Variants in DNAH7 observed in about 807,000 individuals in gnomAD.
DNAH7 encodes the protein dynein axonemal heavy chain 7.
DNAH7 carries 397 observed loss-of-function variants against 444.6 expected under a neutral mutation model. That is an observed-to-expected ratio of 0.89 (90% CI 0.82 to 0.97). DNAH7 has a LOEUF of 0.97. DNAH7 is among the 50% of genes least tolerant of loss of function. DNAH7 has a pLI of 0.00. For missense variants in DNAH7, 4,902 were observed against 4,800.8 expected (o/e 1.02, Z -0.62); for synonymous variants, 1,636 against 1,624.4 (o/e 1.01, Z -0.17).
At chr2:195,865,537 C>T (rs1177437038) in intron 40 of DNAH7, among the ~76,000 whole-genome samples, 1 of 152,064 alleles carries the variant, frequency 6.6e-6, no homozygotes, top group African/African-American at 2.4e-5. Flanking sequence ...GTTTGGGATA[C>T]CTGTTAATTA....
At chr2:196,052,171 C>G (rs1431605280) in intron 2 of DNAH7, among the ~76,000 whole-genome samples, 2 of 152,236 alleles carry the variant, frequency 1.3e-5, no homozygotes, top group African/African-American at 4.8e-5. Context: ...CAGCAAATGT[C>G]TTTGTCATCC....
rs76698138 is a variant in DNAH7 at position 195,821,471 on chromosome 2, C to T, written c.9291+2784G>A. On this transcript the variant is annotated intron_variant, in intron 49 of 64. Transcript: ENST00000312428. ...ACATATCTAACTTCTTAGAAAGAAA[C>T]ATCTAATAGGGACTTAACAAACATA... is the stretch of plus-strand genomic sequence containing the variant. 5.4e-4 allele frequency among the ~76,000 whole-genome samples: 82 copies of T among 152,256 alleles called. 2 individuals are homozygous for T. The East Asian group carries it at 0.012, about 22-fold the overall frequency.
At chr2:196,010,970 G>T (rs1158777153) in intron 10 of DNAH7, among the ~76,000 whole-genome samples, 2 of 152,154 alleles carry the variant, frequency 1.3e-5, no homozygotes, top group East Asian at 1.9e-4. Context: ...CATGGAGGTT[G>T]TAAGTAGAAT....
At chr2:195,834,863 CA>C (rs1698259433) in intron 47 of DNAH7, among the ~76,000 whole-genome samples, 1 of 152,082 alleles carries the variant, frequency 6.6e-6, no homozygotes, top group African/African-American at 2.4e-5. Context: ...AACGGCCTAA[CA>C]AAAAGGTAAA....
At chr2:195,915,171 C>G (rs1687597068) in intron 24 of DNAH7, among the ~76,000 whole-genome samples, 1 of 152,184 alleles carries the variant, frequency 6.6e-6, no homozygotes, top group East Asian at 1.9e-4. Context: ...ATTTTCAATC[C>G]ATTATGATGA....
chr2:195,745,507 C>G (rs1263229202), intron 63 of DNAH7, among the ~76,000 whole-genome samples: 1 of 152,108 alleles, frequency 6.6e-6, no homozygotes, highest in Non-Finnish European at 1.5e-5. Context: ...ACAGAGAACG[C>G]CACAAAGATA....
chr2:195,817,234 C>T (rs1374365951), intron 50 of DNAH7, among the ~76,000 whole-genome samples: 1 of 152,168 alleles, frequency 6.6e-6, no homozygotes, highest in African/African-American at 2.4e-5. Context: ...CATCAAGGAT[C>T]TCAGCTCAGA....
At chr2:196,005,990 T>G (rs1694350548) in intron 10 of DNAH7, among the ~76,000 whole-genome samples, 1 of 151,652 alleles carries the variant, frequency 6.6e-6, no homozygotes, top group African/African-American at 2.4e-5. Context: ...CTCAACAAAA[T>G]ACTAGAAATC....
chr2:195,955,875 G>C (rs1690612474), intron 19 of DNAH7, among the ~76,000 whole-genome samples: 2 of 151,966 alleles, frequency 1.3e-5, no homozygotes, highest in South Asian at 4.2e-4. Context: ...ACTGTTGTAA[G>C]GAAACTATAT....
At chr2:195,747,631 T>C (rs1197519977) in intron 63 of DNAH7, among the ~76,000 whole-genome samples, 3 of 152,188 alleles carry the variant, frequency 2.0e-5, no homozygotes, top group Admixed American at 6.5e-5. Flanking sequence ...AAAAAGCTTA[T>C]CCACCATGAT....
intron 61 of DNAH7, among the ~76,000 whole-genome samples, chr2:195,768,284 A>G (rs980705145): frequency 8.9e-4 from 134 of 150,266 alleles, no homozygotes; most frequent in Non-Finnish European, 1.1e-3. Flanking sequence ...TTAGGAAAAT[A>G]TAATTTTACA....
At chr2:195,759,900 A>G (rs1006692036) in intron 61 of DNAH7, among the ~76,000 whole-genome samples, 2 of 151,876 alleles carry the variant, frequency 1.3e-5, no homozygotes, top group Non-Finnish European at 2.9e-5. Context: ...TGCTCTCCCA[A>G]CTCCTGGCCT....
At chr2:195,965,798 A>G (rs901744477) in intron 17 of DNAH7, among the ~76,000 whole-genome samples, 2 of 151,946 alleles carry the variant, frequency 1.3e-5, no homozygotes, top group African/African-American at 4.8e-5. Flanking sequence ...GTTTCTACAG[A>G]ATTAGTTGTA....
At chr2:195,924,487 G>A (rs1026184689) in intron 22 of DNAH7, among the ~76,000 whole-genome samples, 2 of 152,060 alleles carry the variant, frequency 1.3e-5, no homozygotes, top group African/African-American at 4.8e-5. Context: ...CCAGCTACTC[G>A]GGAGGCTGAG....
At position 196,001,828 on chromosome 2, in the gene DNAH7, G is replaced by T; in HGVS notation, c.1020C>A (p.Tyr340Ter). The part of the protein sequence containing the change: ...MWFPEVQNIY[Y>*]QGNKKKQLPT... ...GCAATTGCTTTTTTTTATTACCTTGGTAATAAATATTCTGCACTTCTGGAA... is the reference window on the plus strand; with the variant it reads ...GCAATTGCTTTTTTTTATTACCTTGTTAATAAATATTCTGCACTTCTGGAA... The change falls in exon 11 of 65, where the codon TAC (tyrosine) becomes TAA (stop). Residue 340 changes from tyrosine to a stop codon, truncating the protein, a stop_gained. Coordinates refer to ENST00000312428, the MANE Select transcript of DNAH7 (RefSeq NM_018897.3). LOFTEE classifies it high-confidence loss of function. 3 of 1,609,502 alleles carry T rather than the reference G, an allele frequency of 1.9e-6. No individual in the cohort carries two copies. The highest frequency in any genetic ancestry group is 2.5e-6 in the Non-Finnish European group (3 of 1,178,596).
At chr2:195,811,660 A>G (rs144155994) in intron 51 of DNAH7, among the ~76,000 whole-genome samples, 94 of 152,292 alleles carry the variant, frequency 6.2e-4, no homozygotes, top group African/African-American at 2.2e-3. Context: ...CAAAAGTCTT[A>G]TAATACAAAA....
intron 17 of DNAH7, among the ~76,000 whole-genome samples, chr2:195,967,207 T>G (rs556413595): frequency 6.6e-6 from 1 of 152,324 alleles, no homozygotes; most frequent in African/African-American, 2.4e-5. Context: ...CAATACTGAT[T>G]GCATAAATAA....
intron 47 of DNAH7, among the ~76,000 whole-genome samples, chr2:195,838,421 C>A (rs1037098869): frequency 1.3e-5 from 2 of 150,938 alleles, no homozygotes; most frequent in African/African-American, 2.4e-5. Flanking sequence ...CTCCATGAGA[C>A]AAAGGTGAAC....
At chr2:195,928,986 C>G (rs367986102) in intron 21 of DNAH7, among the ~76,000 whole-genome samples, 1 of 152,110 alleles carries the variant, frequency 6.6e-6, no homozygotes, top group South Asian at 2.1e-4. Context: ...AAAGACCCCA[C>G]CAAAAGACTC....
Sources: gnomAD v4.1 joint callset for allele counts (sites outside exome capture counted in the v4.1 genomes callset) on GRCh38, gnomAD v4.1.1 for gene constraint, MANE v1.5 for transcripts, NCBI Gene and HGNC (gene_info 2026-07-23, HGNC 2026-07-21) for gene names.